The following TRPM3 variants were observed in gnomAD, a reference collection of about 807,000 sequenced individuals.
TRPM3 encodes transient receptor potential cation channel subfamily M member 3.
In TRPM3, 77 loss-of-function variants were observed where a neutral mutation model predicts 181.2. The ratio of observed to expected loss-of-function variants is 0.42; its 90% CI spans 0.35 to 0.51. TRPM3 has a LOEUF of 0.51. Among genes scored for constraint, TRPM3 ranks in the 20% least tolerant of loss-of-function variants. TRPM3 has a pLI of 0.01. For missense variants in TRPM3, 1,759 were observed against 2,196.7 expected, an observed-to-expected ratio of 0.80 and a Z score of 3.98; for synonymous variants, 745 against 796.4, an observed-to-expected ratio of 0.94 and a Z score of 1.09.
At chr9:70,600,468 CAAGAGCCCT>C (rs1201003065) in intron 20 of TRPM3, among the ~76,000 whole-genome samples, 1 of 151,932 alleles carries the variant, frequency 6.6e-6, no homozygotes, top group Non-Finnish European at 1.5e-5. Flanking sequence ...AGGAGCTACC[CAAGAGCCCT>C]ATTTTTCACA....
chr9:70,993,820 AAGAAAGCACTCC>A (rs2097516152), intron 1 of TRPM3, among the ~76,000 whole-genome samples: 1 of 151,552 alleles, frequency 6.6e-6, no homozygotes, highest in Non-Finnish European at 1.5e-5. Context: ...GAAAGAAAGA[AAGAAAGCACTCC>A]AGGGGGATTG....
In TRPM3 at chr9:70,895,075, T is replaced by C. The variant is rs2096263620; in HGVS notation, c.178-30564A>G. Among the ~76,000 whole-genome samples, 3 of 152,166 alleles carry C rather than the reference T, an allele frequency of 2.0e-5. No homozygotes were observed. In the South Asian group the frequency reaches 6.2e-4, roughly 32 times the overall value. ...TATCTATCGTCATCAAATGTTATAT[T>C]GTACATGAAGGCACTTTGCAAAATG... On this transcript the variant is annotated intron_variant, in intron 1 of 25. Transcript: ENST00000677713.
chr9:71,326,433 T>C (rs924878402), intron 1 of TRPM3, among the ~76,000 whole-genome samples: 2 of 152,080 alleles, frequency 1.3e-5, no homozygotes, highest in African/African-American at 4.8e-5. Flanking sequence ...TTTGTATGTA[T>C]GTATGTATTT....
chr9:70,555,196 A>G (rs1291097465), intron 22 of TRPM3, among the ~76,000 whole-genome samples: 1 of 151,966 alleles, frequency 6.6e-6, no homozygotes, highest in Non-Finnish European at 1.5e-5. Flanking sequence ...TCCCATTCCC[A>G]TGCTTCACCT....
At chr9:71,059,010 C>CCTT (rs1491270019) in intron 1 of TRPM3, among the ~76,000 whole-genome samples, 1 of 15,932 alleles carries the variant, frequency 6.3e-5, no homozygotes, top group African/African-American at 2.4e-4. Flanking sequence ...TTTGTTTGTT[C>CCTT]ATTTTTTTTT....
intron 1 of TRPM3, among the ~76,000 whole-genome samples, chr9:71,063,433 T>C (rs2061549106): frequency 6.6e-6 from 1 of 152,136 alleles, no homozygotes; most frequent in Non-Finnish European, 1.5e-5. Context: ...GGATGTGTAA[T>C]CGCATGTTAC....
intron 1 of TRPM3, among the ~76,000 whole-genome samples, chr9:70,866,152 A>G (rs2132473189): frequency 6.6e-6 from 1 of 152,202 alleles, no homozygotes; most frequent in East Asian, 1.9e-4. Context: ...GACACTGAAT[A>G]CTTTCATTGA....
At chr9:70,549,765 T>A (rs1283140958) in intron 24 of TRPM3, 91 bp from the exon 25 acceptor site, 1 of 1,370,450 alleles carries the variant, frequency 7.3e-7, no homozygotes, top group East Asian at 2.5e-5. Flanking sequence ...TCAGTATAAA[T>A]CTAGGTGGGA....
At chr9:71,168,552 A>ATTTTTTTT (rs2076657096) in intron 1 of TRPM3, among the ~76,000 whole-genome samples, 1 of 43,078 alleles carries the variant, frequency 2.3e-5, no homozygotes, top group Non-Finnish European at 5.1e-5. Context: ...TTATTTATTT[A>ATTTTTTTT]TTTATTTATT....
At chr9:70,946,677 C>G (rs895982428) in intron 1 of TRPM3, among the ~76,000 whole-genome samples, 1 of 152,022 alleles carries the variant, frequency 6.6e-6, no homozygotes, top group African/African-American at 2.4e-5. Flanking sequence ...GACCATGAAA[C>G]AAAATATTAC....
chr9:70,967,758 T>C (rs2097200333), intron 1 of TRPM3, among the ~76,000 whole-genome samples: 1 of 152,122 alleles, frequency 6.6e-6, no homozygotes, highest in African/African-American at 2.4e-5. Context: ...TGAATATTTA[T>C]TGAGAAACTC....
chr9:70,988,864 T>A (rs2097448044), intron 1 of TRPM3, among the ~76,000 whole-genome samples: 1 of 152,116 alleles, frequency 6.6e-6, no homozygotes, highest in Admixed American at 6.5e-5. Flanking sequence ...CTGAGATCAG[T>A]CCCTCACTGA....
At chr9:71,279,876 G>A (rs547748201) in intron 1 of TRPM3, among the ~76,000 whole-genome samples, 20 of 152,150 alleles carry the variant, frequency 1.3e-4, no homozygotes, top group Admixed American at 9.2e-4. Context: ...TCAGGAGTTC[G>A]AGACCAGCCT....
intron 1 of TRPM3, among the ~76,000 whole-genome samples, chr9:71,235,886 A>G (rs2081325695): frequency 6.6e-6 from 1 of 152,212 alleles, no homozygotes; most frequent in Non-Finnish European, 1.5e-5. Flanking sequence ...TGATGGTAGA[A>G]AATAATTCTT....
At chr9:70,963,646 A>G (rs904917939) in intron 1 of TRPM3, among the ~76,000 whole-genome samples, 2 of 152,132 alleles carry the variant, frequency 1.3e-5, no homozygotes, top group African/African-American at 4.8e-5. Flanking sequence ...TGTTTACAAA[A>G]ATGAGGCTTG....
At position 71,002,332 on chromosome 9, in the gene TRPM3, T is replaced by A. The variant is rs527703627; in HGVS notation, c.177+118846A>T. Among the ~76,000 whole-genome samples, 19 of 152,356 alleles carry A rather than the reference T, an allele frequency of 1.2e-4. 1 individual carries two copies. The South Asian group carries it at 3.9e-3, about 32-fold the overall frequency. The stretch of plus-strand genomic sequence containing the variant: ...AATGATCAGTTGCTAGAAACACTTC[T>A]TTAAATCGAAATTGGAGCCAGCGGT... On this transcript the variant is annotated intron_variant, in intron 1 of 25. Coordinates refer to ENST00000677713, the MANE Select transcript of TRPM3 (RefSeq NM_001366145.2).
intron 1 of TRPM3, among the ~76,000 whole-genome samples, chr9:71,374,990 T>A (rs998607436): frequency 5.3e-5 from 8 of 152,098 alleles, no homozygotes; most frequent in African/African-American, 1.9e-4. Context: ...ATAGGAAGAA[T>A]CAATATAATG....
chr9:70,963,964 T>C (rs898871897), intron 1 of TRPM3, among the ~76,000 whole-genome samples: 1 of 152,162 alleles, frequency 6.6e-6, no homozygotes, highest in African/African-American at 2.4e-5. Context: ...ATGTGTTTTC[T>C]CTGGTGGTTT....
intron 1 of TRPM3, among the ~76,000 whole-genome samples, chr9:71,096,269 T>A (rs531514227): frequency 6.7e-6 from 1 of 148,174 alleles, no homozygotes; most frequent in South Asian, 2.2e-4. Context: ...CTTATTTCAA[T>A]CAATTTTGAT....
Sources: gnomAD v4.1 joint callset for allele counts (sites outside exome capture counted in the v4.1 genomes callset) on GRCh38, gnomAD v4.1.1 for gene constraint, MANE v1.5 for transcripts, NCBI Gene and HGNC (gene_info 2026-07-23, HGNC 2026-07-21) for gene names.